Variants in CDH13 observed in about 807,000 individuals in gnomAD.
CDH13 encodes cadherin 13.
Under a neutral mutation model 63.8 loss-of-function variants are expected in CDH13, and 24 were observed. The observed-to-expected ratio is 0.38, with a 90% CI of 0.27 to 0.53. CDH13 has a LOEUF of 0.53. Among genes scored for constraint, CDH13 ranks in the 20% least tolerant of loss-of-function variants. The probability of loss-of-function intolerance (pLI) is 0.85; values close to 1 mark genes in which losing one functional copy is unlikely to be tolerated. For synonymous variants in CDH13, 503 were observed against 355.3 expected (o/e 1.42, Z -4.67); for missense variants, 1,049 against 903.1 (o/e 1.16, Z -2.07).
chr16:83,343,996 C>G (rs1370764334), intron 5 of CDH13, among the ~76,000 whole-genome samples: 1 of 152,194 alleles, frequency 6.6e-6, no homozygotes, highest in Non-Finnish European at 1.5e-5. Context: ...GATCCAGTGT[C>G]TTGCTCAAGG....
intron 5 of CDH13, among the ~76,000 whole-genome samples, chr16:83,301,890 T>C (rs1467668219): frequency 6.6e-6 from 1 of 152,162 alleles, no homozygotes; most frequent in Non-Finnish European, 1.5e-5. Flanking sequence ...GCTCTGGTTC[T>C]TGTTTTCTGG....
chr16:83,134,594 T>TGA (rs1302768654), intron 4 of CDH13, among the ~76,000 whole-genome samples: 1 of 32,912 alleles, frequency 3.0e-5, no homozygotes, highest in Non-Finnish European at 5.7e-5. Flanking sequence ...AGAGAGAGAG[T>TGA]GAGTTACATG....
intron 1 of CDH13, among the ~76,000 whole-genome samples, chr16:82,828,252 G>T (rs890528085): frequency 1.3e-5 from 2 of 152,136 alleles, no homozygotes; most frequent in Non-Finnish European, 2.9e-5. Flanking sequence ...GACTCTTTAC[G>T]TCTGTTTCAC....
chr16:83,199,160 C>G (rs2038956340), intron 4 of CDH13, among the ~76,000 whole-genome samples: 1 of 152,218 alleles, frequency 6.6e-6, no homozygotes, highest in African/African-American at 2.4e-5. Flanking sequence ...GTGTGGCACA[C>G]ATATCTCATG....
At chr16:83,320,764 T>G (rs1302313177) in intron 5 of CDH13, among the ~76,000 whole-genome samples, 2 of 152,110 alleles carry the variant, frequency 1.3e-5, no homozygotes, top group East Asian at 3.9e-4. Flanking sequence ...GCGCAAGGAA[T>G]GAGAAAAAGC....
chr16:83,300,648 A>G (rs2089712321), intron 5 of CDH13, among the ~76,000 whole-genome samples: 1 of 152,246 alleles, frequency 6.6e-6, no homozygotes, highest in South Asian at 2.1e-4. Context: ...CCCAGAACCT[A>G]GTATCTTGTC....
intron 5 of CDH13, among the ~76,000 whole-genome samples, chr16:83,324,616 C>T (rs1392420145): frequency 2.6e-5 from 4 of 152,180 alleles, no homozygotes; most frequent in Admixed American, 2.0e-4. Flanking sequence ...TATTCCACTG[C>T]GTGAATATAT....
At chr16:82,779,242 G>A (rs564064013) in intron 1 of CDH13, among the ~76,000 whole-genome samples, 1 of 152,236 alleles carries the variant, frequency 6.6e-6, no homozygotes, top group South Asian at 2.1e-4. Context: ...TGAGAAAACC[G>A]AGGTGTAGGG....
chr16:83,780,264 A>G (rs1042525926), intron 12 of CDH13, 63 bp downstream of exon 12: 16 of 1,133,256 alleles, frequency 1.4e-5, no homozygotes, highest in Non-Finnish European at 2.0e-5. Context: ...CTCTTTCCCA[A>G]AATGCTGTTT....
At chr16:83,433,773 T>G (rs2151486293) in intron 6 of CDH13, among the ~76,000 whole-genome samples, 1 of 152,342 alleles carries the variant, frequency 6.6e-6, no homozygotes, top group African/African-American at 2.4e-5. Flanking sequence ...TTACACTTGT[T>G]TATGCAAGAA....
chr16:82,784,447 G>A (rs115155319), intron 1 of CDH13, among the ~76,000 whole-genome samples: 2 of 152,056 alleles, frequency 1.3e-5, no homozygotes, highest in Non-Finnish European at 2.9e-5. Flanking sequence ...AAGGGACAGC[G>A]AATGCTCTCC....
chr16:82,855,096 G>A (rs553670224), intron 1 of CDH13, among the ~76,000 whole-genome samples: 1 of 152,324 alleles, frequency 6.6e-6, no homozygotes, highest in Admixed American at 6.5e-5. Flanking sequence ...TGACTGGTAG[G>A]TGAAGTGTCC....
intron 1 of CDH13, among the ~76,000 whole-genome samples, chr16:82,801,946 T>A (rs1468931987): frequency 2.6e-5 from 4 of 151,972 alleles, no homozygotes; most frequent in Admixed American, 2.6e-4. Flanking sequence ...CAGTAAGGAG[T>A]GCGGATGTGA....
chr16:82,731,894 T>C (rs899224424), intron 1 of CDH13, among the ~76,000 whole-genome samples: 1 of 152,194 alleles, frequency 6.6e-6, no homozygotes, highest in African/African-American at 2.4e-5. Context: ...ATTACCAGAA[T>C]ATCACTGCTT....
At chr16:82,785,167 C>T (rs74529321) in intron 1 of CDH13, among the ~76,000 whole-genome samples, 6,648 of 152,058 alleles carry the variant, frequency 0.044, 213 homozygotes, top group Non-Finnish European at 0.069. Flanking sequence ...GCAGTTGAAA[C>T]GGAGAGACAT....
chr16:83,351,537 A>G (rs544146027), intron 6 of CDH13, among the ~76,000 whole-genome samples: 89 of 152,258 alleles, frequency 5.8e-4, no homozygotes, highest in African/African-American at 2.0e-3. Flanking sequence ...TCAGGGTCCT[A>G]TGGACATTTT....
chr16:83,724,516 C>T (rs913704997), intron 10 of CDH13, among the ~76,000 whole-genome samples: 3 of 149,970 alleles, frequency 2.0e-5, no homozygotes, highest in Non-Finnish European at 3.0e-5. Flanking sequence ...ATGCATGAGT[C>T]GGTGGATGAA....
chr16:83,453,755 TATCTCCACC>T (rs2072946224), intron 6 of CDH13, among the ~76,000 whole-genome samples: 1 of 430 alleles, frequency 2.3e-3, no homozygotes, highest in Non-Finnish European at 7.0e-3. Context: ...ATCCACCATG[TATCTCCACC>T]ATGTATCTGT....
At chr16:83,267,449 G>T (rs12934063) in intron 5 of CDH13, among the ~76,000 whole-genome samples, 133,197 of 152,176 alleles carry the variant, frequency 0.88, 58,526 homozygotes, top group East Asian at 1. Context: ...CTTTCTGTGT[G>T]TGCGATGATT....
Sources: gnomAD v4.1 joint callset for allele counts (sites outside exome capture counted in the v4.1 genomes callset) on GRCh38, gnomAD v4.1.1 for gene constraint, MANE v1.5 for transcripts, NCBI Gene and HGNC (gene_info 2026-07-23, HGNC 2026-07-21) for gene names.